Variants in NSMCE2 observed in about 807,000 individuals in gnomAD.
NSMCE2 encodes NSE2 SUMO ligase component of SMC5/6 complex, also known as E3 SUMO-protein ligase NSE2.
Under a neutral mutation model 23.8 loss-of-function variants are expected in NSMCE2, and 24 were observed. The observed-to-expected ratio is 1.01, with a 90% CI of 0.73 to 1.42. The LOEUF (loss-of-function observed/expected upper bound fraction) is 1.42. Ranked by LOEUF, NSMCE2 falls within the 40% of genes most tolerant of loss-of-function variation. NSMCE2 has a pLI of 0.00. For synonymous variants in NSMCE2, 92 were observed against 94.1 expected (o/e 0.98, Z 0.13); for missense variants, 284 against 296.5 (o/e 0.96, Z 0.31).
intron 1 of NSMCE2, chr8:125,094,523 A>G (rs1381354158): frequency 2.0e-5 from 3 of 152,190 alleles, no homozygotes; most frequent in Non-Finnish European, 4.4e-5. Flanking sequence ...GTGAAGTTTC[A>G]CTAAAGTAAT....
At chr8:125,227,662 G>T (rs1172584868) in intron 5 of NSMCE2, among the ~76,000 whole-genome samples, 2 of 152,060 alleles carry the variant, frequency 1.3e-5, no homozygotes, top group East Asian at 3.9e-4. Context: ...GCTCTAATTA[G>T]AATTCCTTTA....
intron 5 of NSMCE2, among the ~76,000 whole-genome samples, chr8:125,324,284 C>T (rs1030195445): frequency 2.0e-5 from 3 of 152,032 alleles, no homozygotes; most frequent in African/African-American, 7.2e-5. Flanking sequence ...CATATATGAC[C>T]TAGGCATCCC....
At chr8:125,278,266 C>T (rs1471744194) in intron 5 of NSMCE2, among the ~76,000 whole-genome samples, 1 of 152,120 alleles carries the variant, frequency 6.6e-6, no homozygotes, top group African/African-American at 2.4e-5. Flanking sequence ...CACATTCCTG[C>T]GGAGATATTG....
rs181927650 is a variant in NSMCE2, at chr8:125,149,032, C to T, written c.158-2139C>T. 5.6e-4 allele frequency among the ~76,000 whole-genome samples: 85 copies of T among 152,224 alleles called. 1 individual carries two copies. In the East Asian group the frequency reaches 0.014, roughly 25 times the overall value. ...GCCATATGTCCATTTTGTTGACTTTCAGAAATTTTCACAACAACAAACTGT... is the reference window on the plus strand; with the variant it reads ...GCCATATGTCCATTTTGTTGACTTTTAGAAATTTTCACAACAACAAACTGT... On this transcript the variant is annotated intron_variant, in intron 3 of 7. Transcript: ENST00000287437.
At chr8:125,118,539 T>C (rs1305724806) in intron 3 of NSMCE2, among the ~76,000 whole-genome samples, 1 of 152,174 alleles carries the variant, frequency 6.6e-6, no homozygotes, top group African/African-American at 2.4e-5. Flanking sequence ...TCCCATTTGG[T>C]AGGAAATACC....
intron 4 of NSMCE2, among the ~76,000 whole-genome samples, chr8:125,165,940 G>A (rs1045488222): frequency 6.6e-6 from 1 of 152,288 alleles, no homozygotes; most frequent in Non-Finnish European, 1.5e-5. Flanking sequence ...TAGGCTGCTA[G>A]ATGGGAGTGA....
intron 5 of NSMCE2, among the ~76,000 whole-genome samples, chr8:125,288,107 T>C (rs959680284): frequency 3.9e-5 from 6 of 152,200 alleles, no homozygotes; most frequent in African/African-American, 1.4e-4. Context: ...ATTGTAGGCG[T>C]GAGCCACCAT....
intron 4 of NSMCE2, among the ~76,000 whole-genome samples, chr8:125,158,708 ACTTC>A (rs139325855): frequency 0.031 from 4,734 of 152,282 alleles, 242 homozygotes; most frequent in African/African-American, 0.11. Flanking sequence ...TGTCAATTTA[ACTTC>A]CTTCCAACCT....
intron 5 of NSMCE2, among the ~76,000 whole-genome samples, chr8:125,293,557 T>C (rs542706205): frequency 7.4e-6 from 1 of 135,226 alleles, no homozygotes; most frequent in African/African-American, 3.0e-5. Context: ...CCATGCTAAT[T>C]ATTGTAGGGA....
At chr8:125,171,663 G>A (rs72720555) in intron 4 of NSMCE2, among the ~76,000 whole-genome samples, 18,327 of 152,126 alleles carry the variant, frequency 0.12, 1,219 homozygotes, top group African/African-American at 0.16. Context: ...CTTCTGACTT[G>A]TTCATCTCTT....
At chr8:125,139,560 G>T (rs1820248270) in intron 3 of NSMCE2, among the ~76,000 whole-genome samples, 1 of 152,142 alleles carries the variant, frequency 6.6e-6, no homozygotes, top group African/African-American at 2.4e-5. Context: ...GTCTTGCATG[G>T]TGTCAGGTAA....
intron 5 of NSMCE2, among the ~76,000 whole-genome samples, chr8:125,184,118 G>T (rs1174353064): frequency 1.3e-5 from 2 of 152,056 alleles, no homozygotes; most frequent in Non-Finnish European, 2.9e-5. Context: ...ATAAACTGTG[G>T]CAGACTTAGC....
At chr8:125,364,959 G>C (rs569476406) in intron 7 of NSMCE2, among the ~76,000 whole-genome samples, 4 of 152,118 alleles carry the variant, frequency 2.6e-5, no homozygotes, top group Non-Finnish European at 5.9e-5. Flanking sequence ...ACCAAAATTT[G>C]GTTCACTTTG....
intron 5 of NSMCE2, among the ~76,000 whole-genome samples, chr8:125,272,836 C>T (rs1371848019): frequency 1.5e-5 from 1 of 66,948 alleles, no homozygotes; most frequent in East Asian, 3.1e-4. Context: ...CATATATATA[C>T]ACACGTATAT....
At chr8:125,312,075 TAAAAAAA>T (rs56906621) in intron 5 of NSMCE2, among the ~76,000 whole-genome samples, 1 of 99,420 alleles carries the variant, frequency 1.0e-5, no homozygotes, top group African/African-American at 4.0e-5. Flanking sequence ...CCATCTCAAT[TAAAAAAA>T]AAAAAAAAAA....
chr8:125,319,399 C>G (rs1453592073), intron 5 of NSMCE2, among the ~76,000 whole-genome samples: 1 of 152,034 alleles, frequency 6.6e-6, no homozygotes, highest in Non-Finnish European at 1.5e-5. Context: ...CAAAACTGAC[C>G]TAGAAATGAC....
chr8:125,208,854 C>G (rs1433683932), intron 5 of NSMCE2, among the ~76,000 whole-genome samples: 2 of 152,134 alleles, frequency 1.3e-5, no homozygotes, highest in Admixed American at 6.5e-5. Flanking sequence ...TTTCAAGTGG[C>G]AAGTATTAAA....
intron 1 of NSMCE2, among the ~76,000 whole-genome samples, chr8:125,096,457 C>T (rs558486879): frequency 6.6e-6 from 1 of 151,742 alleles, no homozygotes; most frequent in Non-Finnish European, 1.5e-5. Flanking sequence ...TTCAGTGTAA[C>T]CCATTATCTC....
chr8:125,349,610 A>G (rs544293114), intron 5 of NSMCE2, among the ~76,000 whole-genome samples: 6 of 152,166 alleles, frequency 3.9e-5, no homozygotes, highest in South Asian at 2.1e-4. Context: ...GAAAGAAAAG[A>G]AAAGAAATGT....
Sources: gnomAD v4.1 joint callset for allele counts (sites outside exome capture counted in the v4.1 genomes callset) on GRCh38, gnomAD v4.1.1 for gene constraint, MANE v1.5 for transcripts, NCBI Gene and HGNC (gene_info 2026-07-23, HGNC 2026-07-21) for gene names.